The following TOP3B variants were observed in gnomAD, a reference collection of about 807,000 sequenced individuals.
TOP3B encodes the protein DNA topoisomerase III beta, also known as DNA topoisomerase 3-beta-1.
In TOP3B, 45 loss-of-function variants were observed where a neutral mutation model predicts 93.9. That is an observed-to-expected ratio of 0.48 (90% CI 0.38 to 0.61). The LOEUF (loss-of-function observed/expected upper bound fraction) is 0.61. Ranked by LOEUF, TOP3B falls within the 20% of genes least tolerant of loss-of-function variation. TOP3B has a pLI of 0.00. For missense variants in TOP3B, 750 were observed against 1,156.1 expected, an observed-to-expected ratio of 0.65 and a Z score of 5.09; for synonymous variants, 357 against 472.6, an observed-to-expected ratio of 0.76 and a Z score of 3.17.
At chr22:21,964,713 A>G (rs2071345624) in intron 9 of TOP3B, 1 of 228,374 alleles carries the variant, frequency 4.4e-6, no homozygotes, top group African/African-American at 2.3e-5. Context: ...ACGCAGCCCC[A>G]TTTTGAGCCC....
In TOP3B at chr22:21,967,388, A is replaced by G. The variant is rs2071455666; in HGVS notation, c.852+215T>C. On this transcript the variant is annotated intron_variant, in intron 8 of 17. Coordinates refer to ENST00000357179, the MANE Select transcript of TOP3B (RefSeq NM_001282112.2). ...CAGGTGTGGACAGTGCCTGGTATGG[A>G]GCGGGCATGCAGTACACTGTGACTA... 3.6e-6 allele frequency: 2 copies of G among 557,172 alleles called. 1 individual carries two copies. The highest frequency in any genetic ancestry group is 6.5e-6 in the Non-Finnish European group (2 of 310,056). 34.5% of individuals were successfully genotyped at this position (557,172 alleles called of 1,614,324 possible).
chr22:21,959,451 T>C, intron 15 of TOP3B, 136 bp downstream of exon 15: 1 of 1,507,084 alleles, frequency 6.6e-7, no homozygotes, highest in Non-Finnish European at 8.8e-7. Context: ...CCAGGAGGTG[T>C]CACTGACCTG....
chr22:21,970,565 C>T lies in TOP3B; in HGVS notation c.385-159G>A. The T allele has an allele frequency of 1.4e-6, 1 of 714,348 alleles. No individual in the cohort carries two copies. The highest frequency in any genetic ancestry group is 2.3e-6 in the Non-Finnish European group (1 of 436,730). 44.3% of individuals were successfully genotyped at this position (714,348 alleles called of 1,614,324 possible). A position where few individuals can be genotyped will look rare whatever the true frequency, so the allele number is the denominator to read the frequency against. On this transcript the variant is annotated intron_variant, in intron 5 of 17. Transcript: ENST00000357179. This position sits in a 1 kb window ranked among gnomAD's most constrained non-coding sequence, Gnocchi z 4.4. ...TCCTCTATCCCCTTTCCTGCACCTG[C>T]CAGACCCTCCTCTATCCCCCTGCCT...
intron 9 of TOP3B, 153 bp from the exon 10 acceptor site, chr22:21,964,468 G>A: frequency 1.2e-6 from 1 of 822,174 alleles, no homozygotes; most frequent in Non-Finnish European, 1.9e-6. Context: ...CAAAGCTGCT[G>A]GCCGGGTGGG....
At chr22:21,964,101 A>C in intron 10 of TOP3B, 60 bp downstream of exon 10, 1 of 1,610,286 alleles carries the variant, frequency 6.2e-7, no homozygotes, top group Non-Finnish European at 8.5e-7. Flanking sequence ...GACGTACCAG[A>C]CCTGGTCCCA....
At position 21,974,365 on chromosome 22, in the gene TOP3B, T is replaced by C; in HGVS notation, c.194A>G (p.Asp65Gly). The C allele has an allele frequency of 6.2e-7, 1 of 1,613,886 alleles. No individual in the cohort carries two copies. Among genetic ancestry groups the C allele is most frequent in the Non-Finnish European group, 8.5e-7 (1 of 1,179,866 alleles). ...AGGGTAGAGGGGCTTACCCAGGAAA[T>C]CCAGGGTCATCACGTGACCACAGAC... The part of the protein sequence containing the change: ...TSVCGHVMTL[D>G]FLGKYNKWDK... The change falls in exon 3 of 18, where the codon GAT becomes GGT. Residue 65 changes from aspartate to glycine, a missense_variant. By Grantham distance (94) the Asp-to-Gly change is moderately conservative. Coordinates refer to ENST00000357179, the MANE Select transcript of TOP3B (RefSeq NM_001282112.2).
intron 1 of TOP3B, among the ~76,000 whole-genome samples, chr22:21,981,005 A>G (rs2084619181): frequency 6.6e-6 from 1 of 152,180 alleles, no homozygotes; most frequent in African/African-American, 2.4e-5. Flanking sequence ...TTTAAAAGAG[A>G]TTTAGGGACT....
At chr22:21,967,479 T>G in intron 8 of TOP3B, 124 bp downstream of exon 8, 1 of 745,458 alleles carries the variant, frequency 1.3e-6, no homozygotes, top group Non-Finnish European at 2.3e-6. Flanking sequence ...CAAAAAGATG[T>G]CTGTGTTTCA....
At chr22:21,958,360 G>A (rs960087160) in intron 17 of TOP3B, 132 bp downstream of exon 17, 16 of 1,520,258 alleles carry the variant, frequency 1.1e-5, no homozygotes, top group Admixed American at 6.0e-5. Flanking sequence ...AGGGTCTCTC[G>A]TCTCAGTGCC....
At chr22:21,959,827 C>T (rs1438570088) in intron 14 of TOP3B, 91 bp from the exon 15 acceptor site, 4 of 1,527,008 alleles carry the variant, frequency 2.6e-6, no homozygotes, top group Admixed American at 1.9e-5. Flanking sequence ...CCCTGTTCAC[C>T]CCTCCCGCTC....
In TOP3B at chr22:21,970,973, G is replaced by A; in HGVS notation, c.385-567C>T. On this transcript the variant is annotated intron_variant, in intron 5 of 17. Transcript: ENST00000357179. The surrounding 1 kb of genome is among the most constrained non-coding windows in gnomAD (Gnocchi z 4.4). ...AGCACAGCAGGGGTCCTGGAGCCGA[G>A]ACTCACTAGGAAGGCCGTGCAGTGG... is the stretch of plus-strand genomic sequence containing the variant. 8.0e-7 allele frequency: 1 copy of A among 1,245,770 alleles called. No individual in the cohort carries two copies. Among genetic ancestry groups the A allele is most frequent in the South Asian group, 1.3e-5 (1 of 75,840 alleles). The allele number at this position is 1,245,770 out of a possible 1,614,324, so 77.2% of individuals were successfully genotyped here.
rs1024112374 is a variant in TOP3B at position 21,965,172 on chromosome 22, T to C, written c.943+113A>G. 7 of 627,594 alleles carry C rather than the reference T, an allele frequency of 1.1e-5. No homozygotes were observed. In the African/African-American group the frequency reaches 1.1e-4, roughly 10 times the overall value. 38.9% of individuals were successfully genotyped at this position (627,594 alleles called of 1,614,324 possible). ...AGGATAAGTGAAATCCTCCTGAGGC[T>C]CAGATCCCCTTGAAGCCTTGGGCAC... On this transcript the variant is annotated intron_variant, in intron 9 of 17. Transcript: ENST00000357179.
At chr22:21,980,004 A>G (rs2084593229) in intron 1 of TOP3B, among the ~76,000 whole-genome samples, 1 of 151,950 alleles carries the variant, frequency 6.6e-6, no homozygotes, top group Non-Finnish European at 1.5e-5. Flanking sequence ...GCAGCATTAC[A>G]AAGGAAAGCA....
rs775050458 is a variant in TOP3B, at chr22:21,960,481, CTGCCTTGGACA to C, written c.1526-43_1526-33del. 3 of 1,611,556 alleles carry C rather than the reference CTGCCTTGGACA, an allele frequency of 1.9e-6. No homozygotes were observed. In the African/African-American group the frequency reaches 4.0e-5, roughly 21 times the overall value. ...TGTACAAGGCCCCAGGGTTCCTGGC[CTGCCTTGGACA>C]TGCCCCACTGAACCATGTGCTGTAT... On this transcript the variant is annotated intron_variant, in intron 13 of 17. Coordinates refer to ENST00000357179, the MANE Select transcript of TOP3B (RefSeq NM_001282112.2).
rs2071384689 is a variant in TOP3B, at chr22:21,965,580, AT to A, written c.853-206del. On this transcript the variant is annotated intron_variant, in intron 8 of 17. Coordinates refer to ENST00000357179, the MANE Select transcript of TOP3B (RefSeq NM_001282112.2). ...AATGAAAATTCTTTTTTAAAAAAAA[AT>A]TTTGGCTGGGTGTGGTGGCTCACGC... 2.2e-5 allele frequency: 8 copies of A among 358,386 alleles called. No individual in the cohort carries two copies. The South Asian group carries it at 5.2e-4, about 23-fold the overall frequency. 22.2% of individuals were successfully genotyped at this position (358,386 alleles called of 1,614,324 possible). A position where few individuals can be genotyped will look rare whatever the true frequency, so the allele number is the denominator to read the frequency against.
chr22:21,979,755 C>T (rs1024308252), intron 1 of TOP3B, among the ~76,000 whole-genome samples: 6 of 151,830 alleles, frequency 4.0e-5, no homozygotes, highest in Non-Finnish European at 5.9e-5. Flanking sequence ...TCCTGACTAA[C>T]GTGGTGAAAC....
chr22:21,967,211 A>G (rs2071447614), intron 8 of TOP3B: 1 of 181,840 alleles, frequency 5.5e-6, no homozygotes, highest in African/African-American at 2.3e-5. Flanking sequence ...TTCCCCTGCT[A>G]GCTGTGACCT....
Position 21,970,067 on chromosome 22 carries a change from G to T in TOP3B, c.581+143C>A. 1 of 838,782 alleles carries T rather than the reference G, an allele frequency of 1.2e-6. No individual in the cohort carries two copies. The highest frequency in any genetic ancestry group is 1.7e-5 in the African/African-American group (1 of 58,876). 52.0% of individuals were successfully genotyped at this position (838,782 alleles called of 1,614,324 possible). A position where few individuals can be genotyped will look rare whatever the true frequency, so the allele number is the denominator to read the frequency against. ...TTACAGGTGTTAGCCACTGTGCCTGGCCTTCTTCAGGGTTGGTGAAATCCC... is the reference window on the plus strand; with the variant it reads ...TTACAGGTGTTAGCCACTGTGCCTGTCCTTCTTCAGGGTTGGTGAAATCCC... On this transcript the variant is annotated intron_variant, in intron 6 of 17. Transcript: ENST00000357179. This position sits in a 1 kb window ranked among gnomAD's most constrained non-coding sequence, Gnocchi z 4.4.
Position 21,959,145 on chromosome 22 carries a change from A to G in TOP3B, c.1892T>C (p.Met631Thr), listed in dbSNP as rs766225754. 3 of 1,613,760 alleles carry G rather than the reference A, an allele frequency of 1.9e-6. No individual in the cohort carries two copies. The highest frequency in any genetic ancestry group is 1.1e-5 in the South Asian group (1 of 91,088). The change falls in exon 16 of 18, where the codon ATG (methionine) becomes ACG (threonine). Residue 631 changes from methionine (M) to threonine (T), a missense_variant. By Grantham distance (81) the Met-to-Thr change is moderately conservative. Around this residue, in one of 4 missense-constraint regions of TOP3B, gnomAD observed 737 missense variants for 933.7 expected, o/e 0.79. Transcript: ENST00000357179. ...LSRCGKCHRF[M>T]KYIQAKPSRL... Reference sequence around the variant, plus strand: ...CCCTGCACCTACCTGGATGTACTTCATGAAGCGGTGGCACTTCCCACAGCG... The same window carrying G: ...CCCTGCACCTACCTGGATGTACTTCGTGAAGCGGTGGCACTTCCCACAGCG...
Sources: allele counts gnomAD v4.1 joint callset (sites outside exome capture counted in the v4.1 genomes callset), GRCh38; gene constraint gnomAD v4.1.1; regional missense constraint gnomAD v4.1.1; non-coding constraint Gnocchi (gnomAD v3.1); transcripts MANE v1.5; gene names NCBI Gene and HGNC (gene_info 2026-07-23, HGNC 2026-07-21).